TNRC6A: variants seen among roughly 807,000 people sequenced by gnomAD.
TNRC6A encodes the protein trinucleotide repeat-containing gene 6A protein.
In TNRC6A, 44 loss-of-function variants were observed where a neutral mutation model predicts 221.2. That is an observed-to-expected ratio of 0.20 (90% CI 0.16 to 0.26). The LOEUF (loss-of-function observed/expected upper bound fraction) is 0.26. Among genes scored for constraint, TNRC6A ranks in the 10% least tolerant of loss-of-function variants. The pLI is 1.00. For missense variants in TNRC6A, 2,199 were observed against 2,404.4 expected (o/e 0.91, Z 1.79); for synonymous variants, 847 against 838.5 (o/e 1.01, Z -0.18).
intron 1 of TNRC6A, among the ~76,000 whole-genome samples, chr16:24,638,067 G>A (rs1331656396): frequency 1.3e-5 from 2 of 152,174 alleles, no homozygotes; most frequent in Non-Finnish European, 2.9e-5. Context: ...TTACAGGCGT[G>A]AGCCACCATG....
chr16:24,778,011 A>G (rs1337338805), intron 5 of TNRC6A, among the ~76,000 whole-genome samples: 2 of 152,206 alleles, frequency 1.3e-5, no homozygotes, highest in African/African-American at 4.8e-5. Context: ...CCATTCATTT[A>G]TCCAACTATT....
chr16:24,781,405 C>G lies in TNRC6A; in HGVS notation c.589+4047C>G, dbSNP rs75604796. Among the ~76,000 whole-genome samples, 14 of 152,192 alleles carry G rather than the reference C, an allele frequency of 9.2e-5. No individual in the cohort carries two copies. In the East Asian group the frequency reaches 1.7e-3, roughly 19 times the overall value. Reference sequence around the variant, plus strand: ...GCTATTACAGAATTTCTCCCTCCCCCCTTTCAGTGTTACTGAAGGAATAGT... The same window carrying G: ...GCTATTACAGAATTTCTCCCTCCCCGCTTTCAGTGTTACTGAAGGAATAGT... On this transcript the variant is annotated intron_variant, in intron 5 of 24. Transcript: ENST00000395799.
In TNRC6A at chr16:24,824,096, T is replaced by G. The variant is rs1375477054; in HGVS notation, c.*289T>G. Reference sequence around the variant, plus strand: ...TTCATCATGTTTAGCCTTTGGATTCTTTTTTTTTTTTTCCTTCTATTCCTC... The same window carrying G: ...TTCATCATGTTTAGCCTTTGGATTCGTTTTTTTTTTTTCCTTCTATTCCTC... On this transcript the variant is annotated 3_prime_UTR_variant, in exon 25 of 25. Coordinates refer to ENST00000395799, the MANE Select transcript of TNRC6A (RefSeq NM_014494.4). The G allele has an allele frequency of 4.3e-5, 3 of 69,626 alleles. No homozygotes were observed. Among genetic ancestry groups the G allele is most frequent in the Non-Finnish European group, 7.5e-5 (3 of 40,058 alleles). 4.3% of individuals were successfully genotyped at this position (69,626 alleles called of 1,614,324 possible).
intron 2 of TNRC6A, among the ~76,000 whole-genome samples, chr16:24,736,977 C>A (rs890817151): frequency 2.6e-5 from 4 of 152,108 alleles, no homozygotes; most frequent in Non-Finnish European, 5.9e-5. Context: ...GAACTGATAA[C>A]CCTGGTAGGA....
At chr16:24,748,999 C>T (rs576810821) in intron 2 of TNRC6A, among the ~76,000 whole-genome samples, 18 of 152,156 alleles carry the variant, frequency 1.2e-4, no homozygotes, top group Non-Finnish European at 2.5e-4. Flanking sequence ...CTCAGCCTCC[C>T]GAGTAGCTGG....
At chr16:24,798,000 T>G (rs200071286) in intron 11 of TNRC6A, 34 bp downstream of exon 11, 1 of 1,572,116 alleles carries the variant, frequency 6.4e-7, no homozygotes, top group South Asian at 1.1e-5. Flanking sequence ...ATATTCCTCA[T>G]TGAGGGACAC....
chr16:24,646,436 A>T (rs570208451), intron 2 of TNRC6A, among the ~76,000 whole-genome samples: 32 of 152,356 alleles, frequency 2.1e-4, no homozygotes, highest in Admixed American at 2.0e-3. Flanking sequence ...GTATGTATAC[A>T]CTGAACAGTT....
In TNRC6A at chr16:24,825,610, C is replaced by T. The variant is rs1450165106; in HGVS notation, c.*1803C>T. On this transcript the variant is annotated 3_prime_UTR_variant, in exon 25 of 25. Transcript: ENST00000395799. ...TTATCTGAACTCATCACAATTTCAC[C>T]CTGAAATAATGTGAGAACAATGGGA... 6.6e-6 allele frequency: 1 copy of T among 152,586 alleles called. No homozygotes were observed. The highest frequency in any genetic ancestry group is 3.2e-3 in the Middle Eastern group (1 of 316). The allele number at this position is 152,586 out of a possible 1,614,324, so 9.5% of individuals were successfully genotyped here.
At chr16:24,673,276 G>T (rs542169333) in intron 2 of TNRC6A, among the ~76,000 whole-genome samples, 1 of 152,168 alleles carries the variant, frequency 6.6e-6, no homozygotes, top group Non-Finnish European at 1.5e-5. Context: ...AGTCCTGAGG[G>T]TAAGTAGAAA....
At chr16:24,694,674 A>G (rs2055823648) in intron 2 of TNRC6A, among the ~76,000 whole-genome samples, 2 of 150,368 alleles carry the variant, frequency 1.3e-5, no homozygotes, top group Non-Finnish European at 3.0e-5. Context: ...AAAAAAAAAA[A>G]AAAGACTAGT....
At chr16:24,691,273 A>G (rs1258991389) in intron 2 of TNRC6A, among the ~76,000 whole-genome samples, 4 of 151,980 alleles carry the variant, frequency 2.6e-5, no homozygotes, top group Non-Finnish European at 5.9e-5. Context: ...GCTGGGGTGC[A>G]GTGGTGCAGT....
At chr16:24,796,383 G>A (rs555071762) in intron 9 of TNRC6A, 16 of 156,426 alleles carry the variant, frequency 1.0e-4, no homozygotes, top group Non-Finnish European at 9.8e-5. Flanking sequence ...TTAAAAGAAA[G>A]CTAATCAGTG....
At chr16:24,798,932 C>G (rs903794185) in intron 11 of TNRC6A, among the ~76,000 whole-genome samples, 4 of 152,068 alleles carry the variant, frequency 2.6e-5, no homozygotes, top group African/African-American at 9.7e-5. Context: ...CAAGAAAGAA[C>G]CCCCTTCCTC....
chr16:24,652,374 C>T (rs976820058), intron 2 of TNRC6A, among the ~76,000 whole-genome samples: 1 of 152,114 alleles, frequency 6.6e-6, no homozygotes, highest in African/African-American at 2.4e-5. Flanking sequence ...AAAGAAGATA[C>T]AGAAATTATA....
intron 2 of TNRC6A, among the ~76,000 whole-genome samples, chr16:24,709,355 T>C (rs1273805903): frequency 6.6e-6 from 1 of 152,174 alleles, no homozygotes; most frequent in Non-Finnish European, 1.5e-5. Flanking sequence ...AAATGGTTGA[T>C]CTACTTTTAG....
intron 2 of TNRC6A, 145 bp from the exon 3 acceptor site, chr16:24,750,580 AG>A (rs1175783739): frequency 3.0e-6 from 3 of 983,968 alleles, no homozygotes; most frequent in African/African-American, 1.7e-5. Flanking sequence ...GTTAGGTTGC[AG>A]GTTGTGTTTT....
chr16:24,665,874 C>T (rs1233434921), intron 2 of TNRC6A, among the ~76,000 whole-genome samples: 1 of 152,186 alleles, frequency 6.6e-6, no homozygotes, highest in Non-Finnish European at 1.5e-5. Context: ...CTATGCTCTG[C>T]TAGCATATCA....
At chr16:24,668,373 A>T (rs954282818) in intron 2 of TNRC6A, among the ~76,000 whole-genome samples, 1 of 151,562 alleles carries the variant, frequency 6.6e-6, no homozygotes, top group Non-Finnish European at 1.5e-5. Flanking sequence ...AAAAAAGAAA[A>T]GAAAAGAAAA....
At chr16:24,805,495 A>T in intron 14 of TNRC6A, 110 bp from the exon 15 acceptor site, 1 of 1,440,914 alleles carries the variant, frequency 6.9e-7, no homozygotes. Context: ...ATAACCCCCA[A>T]TGAATAGTCC....
Sources: gnomAD v4.1 joint callset for allele counts (sites outside exome capture counted in the v4.1 genomes callset) on GRCh38, gnomAD v4.1.1 for gene constraint, MANE v1.5 for transcripts, NCBI Gene and HGNC (gene_info 2026-07-23, HGNC 2026-07-21) for gene names.